IQCM: variants seen among roughly 807,000 people sequenced by gnomAD.
IQCM encodes IQ motif containing M.
A neutral mutation model predicts 57.6 loss-of-function variants in IQCM; 45 were observed. That is an observed-to-expected ratio of 0.78 (90% CI 0.62 to 1.00). The LOEUF (loss-of-function observed/expected upper bound fraction) is 1.00. Ranked by LOEUF, IQCM falls within the 50% of genes least tolerant of loss-of-function variation. The probability of loss-of-function intolerance (pLI) is 0.00; values close to 1 mark genes in which losing one functional copy is unlikely to be tolerated. For missense variants in IQCM, 468 were observed against 511.6 expected (o/e 0.91, Z 0.82); for synonymous variants, 148 against 158.9 (o/e 0.93, Z 0.51).
chr4:149,368,949 T>C, intron 13 of IQCM, among the ~76,000 whole-genome samples: 1 of 90,170 alleles, frequency 1.1e-5, no homozygotes, highest in African/African-American at 4.3e-5. Context: ...TATATGTGTA[T>C]ATATATACAC....
At chr4:149,612,003 C>A (rs780514759) in intron 8 of IQCM, among the ~76,000 whole-genome samples, 2 of 151,866 alleles carry the variant, frequency 1.3e-5, no homozygotes, top group African/African-American at 4.8e-5. Flanking sequence ...AATTGACTCA[C>A]AGTTCTACAT....
At chr4:149,481,976 A>T (rs188960617) in intron 12 of IQCM, among the ~76,000 whole-genome samples, 9 of 151,014 alleles carry the variant, frequency 6.0e-5, no homozygotes, top group African/African-American at 1.5e-4. Flanking sequence ...TATAGTTTTC[A>T]TTATAGAGAT....
Position 149,657,439 on chromosome 4 carries a change from T to C in IQCM, c.565+24679A>G, listed in dbSNP as rs1042351236. Among the ~76,000 whole-genome samples the C allele has an allele frequency of 5.9e-5, 9 of 152,264 alleles. No homozygotes were observed. The South Asian group carries it at 6.2e-4, about 11-fold the overall frequency. ...TTGTTAAACACTTAGGTTGATTCTA[T>C]TTCTTGGATATTGTGAACAGTGCTG... On this transcript the variant is annotated intron_variant, in intron 7 of 13. Transcript: ENST00000636793.
intron 9 of IQCM, among the ~76,000 whole-genome samples, chr4:149,573,761 C>A (rs1256872549): frequency 1.7e-5 from 2 of 121,072 alleles, no homozygotes; most frequent in African/African-American, 3.3e-5. Context: ...CCTAGTGAGA[C>A]CCTGGCTCAA....
intron 12 of IQCM, among the ~76,000 whole-genome samples, chr4:149,479,764 A>G (rs1231999032): frequency 6.6e-6 from 1 of 152,148 alleles, no homozygotes; most frequent in African/African-American, 2.4e-5. Context: ...CAGGACAAGG[A>G]GGGGTCTCCA....
intron 12 of IQCM, among the ~76,000 whole-genome samples, chr4:149,485,358 A>G (rs1741358368): frequency 6.6e-6 from 1 of 151,720 alleles, no homozygotes; most frequent in Admixed American, 6.6e-5. Context: ...TGTCCTTTTG[A>G]GGCTATTTTC....
intron 9 of IQCM, among the ~76,000 whole-genome samples, chr4:149,576,884 C>T (rs1490370078): frequency 1.3e-5 from 2 of 151,936 alleles, no homozygotes; most frequent in Non-Finnish European, 2.9e-5. Context: ...CTTTTCTCCA[C>T]AACCTCACTA....
chr4:149,640,132 T>G (rs2150112900), intron 7 of IQCM, among the ~76,000 whole-genome samples: 1 of 152,314 alleles, frequency 6.6e-6, no homozygotes, highest in Admixed American at 6.5e-5. Flanking sequence ...CTTTAGAATT[T>G]TAGAAAATTG....
At chr4:149,356,874 T>A (rs1332709894) in intron 13 of IQCM, among the ~76,000 whole-genome samples, 1 of 152,214 alleles carries the variant, frequency 6.6e-6, no homozygotes, top group Non-Finnish European at 1.5e-5. Flanking sequence ...TTCCTACCCA[T>A]GAGCATGGAA....
At chr4:149,670,506 A>G (rs192366816) in intron 7 of IQCM, among the ~76,000 whole-genome samples, 75 of 152,290 alleles carry the variant, frequency 4.9e-4, no homozygotes, top group African/African-American at 1.8e-3. Context: ...CAGAACTTCC[A>G]ACACTACGTT....
chr4:149,658,478 C>T (rs1759839200), intron 7 of IQCM, among the ~76,000 whole-genome samples: 2 of 151,870 alleles, frequency 1.3e-5, no homozygotes, highest in Non-Finnish European at 2.9e-5. Flanking sequence ...ACTGTCTTGG[C>T]TTTTGGGGTC....
intron 9 of IQCM, among the ~76,000 whole-genome samples, chr4:149,567,843 A>G (rs545633693): frequency 6.6e-6 from 1 of 152,222 alleles, no homozygotes; most frequent in East Asian, 1.9e-4. Flanking sequence ...ATTTTTTTAA[A>G]GCTAAAGATG....
At chr4:149,636,568 A>G (rs1757732036) in intron 7 of IQCM, among the ~76,000 whole-genome samples, 1 of 152,004 alleles carries the variant, frequency 6.6e-6, no homozygotes, top group Non-Finnish European at 1.5e-5. Context: ...AGGACCAGAA[A>G]AGCCACACAT....
chr4:149,496,297 G>T (rs573503194), intron 12 of IQCM, among the ~76,000 whole-genome samples: 1 of 152,084 alleles, frequency 6.6e-6, no homozygotes, highest in Non-Finnish European at 1.5e-5. Context: ...ATGGTAGACA[G>T]AATAATAGTA....
At chr4:149,601,682 A>G (rs547855454) in intron 8 of IQCM, among the ~76,000 whole-genome samples, 44 of 152,350 alleles carry the variant, frequency 2.9e-4, no homozygotes, top group Non-Finnish European at 5.1e-4. Context: ...ACTACATTTT[A>G]TGAAAGTATA....
At chr4:149,786,159 G>C (rs1028256291) in intron 2 of IQCM, among the ~76,000 whole-genome samples, 8 of 152,008 alleles carry the variant, frequency 5.3e-5, no homozygotes, top group African/African-American at 1.9e-4. Flanking sequence ...CACAATGAAG[G>C]GTCAGTGATT....
intron 7 of IQCM, among the ~76,000 whole-genome samples, chr4:149,627,953 A>C (rs983853050): frequency 8.5e-5 from 13 of 152,144 alleles, no homozygotes; most frequent in Non-Finnish European, 1.8e-4. Context: ...CAAGGAATGC[A>C]GGTGGCCTCC....
At chr4:149,691,234 T>C (rs1370145443) in intron 5 of IQCM, among the ~76,000 whole-genome samples, 10 of 152,012 alleles carry the variant, frequency 6.6e-5, no homozygotes, top group Admixed American at 6.6e-4. Flanking sequence ...AAAGCAGAGG[T>C]GTGATTATTT....
At chr4:149,436,157 T>C (rs1452320890) in intron 12 of IQCM, among the ~76,000 whole-genome samples, 2 of 152,144 alleles carry the variant, frequency 1.3e-5, no homozygotes, top group East Asian at 3.9e-4. Flanking sequence ...TATATAGGTG[T>C]ATCATGTTTT....
Sources: gnomAD v4.1 joint callset for allele counts (sites outside exome capture counted in the v4.1 genomes callset) on GRCh38, gnomAD v4.1.1 for gene constraint, MANE v1.5 for transcripts, NCBI Gene and HGNC (gene_info 2026-07-23, HGNC 2026-07-21) for gene names.